The following PAX5 variants were observed in gnomAD, a reference collection of about 807,000 sequenced individuals.
PAX5 encodes paired box protein Pax-5.
Under a neutral mutation model 43.7 loss-of-function variants are expected in PAX5, and 9 were observed. The observed-to-expected ratio is 0.21, with a 90% CI of 0.12 to 0.36. The LOEUF (loss-of-function observed/expected upper bound fraction) is 0.36. PAX5 is among the 10% of genes least tolerant of loss of function. PAX5 has a pLI of 1.00. For synonymous variants in PAX5, 228 were observed against 214.3 expected (o/e 1.06, Z -0.56); for missense variants, 383 against 532.7 (o/e 0.72, Z 2.77).
At chr9:36,968,397 G>A (rs1834630442) in intron 5 of PAX5, among the ~76,000 whole-genome samples, 1 of 152,132 alleles carries the variant, frequency 6.6e-6, no homozygotes, top group Admixed American at 6.5e-5. Flanking sequence ...GGGGACAACT[G>A]CAATGCAGGG....
At chr9:36,998,547 A>G (rs985390160) in intron 5 of PAX5, among the ~76,000 whole-genome samples, 3 of 152,256 alleles carry the variant, frequency 2.0e-5, no homozygotes, top group African/African-American at 7.2e-5. Flanking sequence ...AAGCACTTGT[A>G]TTAGAGCTGT....
intron 6 of PAX5, among the ~76,000 whole-genome samples, chr9:36,934,299 G>T (rs1831373560): frequency 6.6e-6 from 1 of 152,240 alleles, no homozygotes; most frequent in Non-Finnish European, 1.5e-5. Context: ...TGGAGGGCAG[G>T]CCTTTTGCGT....
intron 9 of PAX5, among the ~76,000 whole-genome samples, chr9:36,841,640 G>A (rs1822062879): frequency 2.0e-5 from 3 of 152,252 alleles, no homozygotes; most frequent in African/African-American, 7.2e-5. Context: ...CCAGCCTGGA[G>A]CCATATGTGG....
chr9:36,873,399 G>C (rs181726757), intron 8 of PAX5, among the ~76,000 whole-genome samples: 1 of 152,232 alleles, frequency 6.6e-6, no homozygotes, highest in East Asian at 1.9e-4. Flanking sequence ...GCATTTCATC[G>C]TAGCTGTGTC....
intron 7 of PAX5, among the ~76,000 whole-genome samples, chr9:36,897,099 C>T (rs1232938616): frequency 2.6e-5 from 4 of 152,178 alleles, no homozygotes; most frequent in South Asian, 2.1e-4. Flanking sequence ...GTGGGCAATG[C>T]AGTGGGCATC....
chr9:36,911,327 CTT>C (rs36123317), intron 7 of PAX5, among the ~76,000 whole-genome samples: 24 of 140,414 alleles, frequency 1.7e-4, no homozygotes, highest in Middle Eastern at 3.6e-3. Context: ...CACAAAACAA[CTT>C]TTTTTTTTTT....
intron 8 of PAX5, 93 bp from the exon 9 acceptor site, chr9:36,847,022 C>T: frequency 1.2e-6 from 1 of 822,938 alleles, no homozygotes; most frequent in South Asian, 1.5e-5. Context: ...TTGCCAATGG[C>T]ATTTGCCTCT....
chr9:36,947,667 T>C (rs1340816491), intron 6 of PAX5, among the ~76,000 whole-genome samples: 2 of 151,324 alleles, frequency 1.3e-5, no homozygotes, highest in African/African-American at 2.5e-5. Flanking sequence ...TTACATATTA[T>C]ATGATGTTTC....
At chr9:36,908,745 C>A (rs903255738) in intron 7 of PAX5, among the ~76,000 whole-genome samples, 8 of 152,176 alleles carry the variant, frequency 5.3e-5, no homozygotes, top group Admixed American at 5.2e-4. Context: ...GGCCCAGAGA[C>A]CTGCTTGAAG....
At chr9:36,935,248 T>C (rs1435132813) in intron 6 of PAX5, among the ~76,000 whole-genome samples, 1 of 152,002 alleles carries the variant, frequency 6.6e-6, no homozygotes, top group African/African-American at 2.4e-5. Flanking sequence ...GGCATGGTGG[T>C]GCATGCCTGT....
Position 36,843,069 on chromosome 9 carries a change from CGT to C in PAX5, c.1100-2435_1100-2434del, listed in dbSNP as rs557269826. Among the ~76,000 whole-genome samples the C allele has an allele frequency of 5.8e-3, 880 of 151,040 alleles. 7 individuals carry two copies. The highest frequency in any genetic ancestry group is 0.02 in the African/African-American group (829 of 41,174). On this transcript the variant is annotated intron_variant, in intron 9 of 9. Coordinates refer to ENST00000358127, the MANE Select transcript of PAX5 (RefSeq NM_016734.3). ...GTGTGTGAGTGTATCAGTGTGTGAG[CGT>C]GTGTGTGCCTGTGTGTGTGTGCGTG... is the stretch of plus-strand genomic sequence containing the variant.
rs370010380 is a variant in PAX5, at chr9:36,863,970, A to G, written c.1013-17041T>C. Among the ~76,000 whole-genome samples the G allele has an allele frequency of 1.5e-3, 235 of 152,290 alleles. 5 individuals carry two copies. Among genetic ancestry groups the G allele is most frequent in the East Asian group, 8.9e-3 (46 of 5,180 alleles). On this transcript the variant is annotated intron_variant, in intron 8 of 9. Coordinates refer to ENST00000358127, the MANE Select transcript of PAX5 (RefSeq NM_016734.3). ...CTAAAAATACAAAAATTAGCTGGGC[A>G]TGGTGGCATGTGCCTGTAGTCCCAG...
At chr9:36,885,804 A>T (rs149614576) in intron 7 of PAX5, among the ~76,000 whole-genome samples, 1 of 152,208 alleles carries the variant, frequency 6.6e-6, no homozygotes, top group Non-Finnish European at 1.5e-5. Flanking sequence ...CATCAGCTTG[A>T]AAAAGAAATA....
At chr9:36,919,346 G>A (rs4880035) in intron 7 of PAX5, among the ~76,000 whole-genome samples, 39,934 of 152,098 alleles carry the variant, frequency 0.26, 5,701 homozygotes, top group East Asian at 0.5. Flanking sequence ...ACAAGGAGAT[G>A]AATGTTGTTT....
At chr9:37,016,134 C>T (rs571429691) in intron 2 of PAX5, among the ~76,000 whole-genome samples, 4 of 152,244 alleles carry the variant, frequency 2.6e-5, no homozygotes, top group Non-Finnish European at 4.4e-5. Flanking sequence ...CACACAAGAC[C>T]AAATGGGCAA....
At chr9:37,019,608 C>T (rs1165860253) in intron 2 of PAX5, among the ~76,000 whole-genome samples, 3 of 152,250 alleles carry the variant, frequency 2.0e-5, no homozygotes, top group Non-Finnish European at 2.9e-5. Flanking sequence ...CAGAATGTCA[C>T]TGACATACTT....
chr9:36,956,369 A>G (rs1041332983), intron 6 of PAX5, among the ~76,000 whole-genome samples: 6 of 152,254 alleles, frequency 3.9e-5, no homozygotes, highest in Admixed American at 2.6e-4. Flanking sequence ...GACAGGAGGA[A>G]AAACTGTAAA....
At chr9:37,033,509 A>C (rs1841199784) in intron 1 of PAX5, among the ~76,000 whole-genome samples, 1 of 152,080 alleles carries the variant, frequency 6.6e-6, no homozygotes, top group African/African-American at 2.4e-5. Context: ...CATAAATAAC[A>C]CTCATAGTAG....
At chr9:36,954,597 C>G (rs910994714) in intron 6 of PAX5, among the ~76,000 whole-genome samples, 2 of 152,198 alleles carry the variant, frequency 1.3e-5, no homozygotes, top group Non-Finnish European at 2.9e-5. Flanking sequence ...CCCTGTCAGT[C>G]TAAATGTTGT....
Sources: allele counts gnomAD v4.1 joint callset (sites outside exome capture counted in the v4.1 genomes callset), GRCh38; gene constraint gnomAD v4.1.1; transcripts MANE v1.5; gene names NCBI Gene and HGNC (gene_info 2026-07-23, HGNC 2026-07-21).